Variants in MAN2B2 observed in about 807,000 individuals in gnomAD.
The protein encoded by MAN2B2 is epididymis-specific alpha-mannosidase.
MAN2B2 carries 106 observed loss-of-function variants against 117.1 expected under a neutral mutation model. That is an observed-to-expected ratio of 0.90 (90% CI 0.77 to 1.06). The LOEUF is 1.06. Among genes scored for constraint, MAN2B2 ranks in the 50% least tolerant of loss-of-function variants. The probability of loss-of-function intolerance (pLI) is 0.00; values close to 1 mark genes in which losing one functional copy is unlikely to be tolerated. For missense variants in MAN2B2, 1,326 were observed against 1,381.4 expected (o/e 0.96, Z 0.64); for synonymous variants, 544 against 595.1 (o/e 0.91, Z 1.25).
chr4:6,591,343 C>A (rs933912307), intron 5 of MAN2B2, among the ~76,000 whole-genome samples: 1 of 152,248 alleles, frequency 6.6e-6, no homozygotes, highest in East Asian at 1.9e-4. Context: ...GCACAGGTGA[C>A]GTCCATAGCA....
chr4:6,596,280 A>G (rs1727083245), intron 7 of MAN2B2, among the ~76,000 whole-genome samples: 1 of 151,920 alleles, frequency 6.6e-6, no homozygotes, highest in Admixed American at 6.6e-5. Context: ...ATCGGGCCTC[A>G]CCACCCACTC....
In MAN2B2 at chr4:6,593,195, G is replaced by C. The variant is rs765716293; in HGVS notation, c.703G>C (p.Val235Leu). 6.2e-7 allele frequency: 1 copy of C among 1,613,652 alleles called. No homozygotes were observed. The highest frequency in any genetic ancestry group is 1.7e-5 in the Admixed American group (1 of 59,958). Residue 235 changes from valine to leucine, a missense_variant, in exon 6 of 19, where the codon GTG (valine) becomes CTG (leucine). By Grantham distance (32) the Val-to-Leu change is conservative. Coordinates refer to ENST00000285599, the MANE Select transcript of MAN2B2 (RefSeq NM_015274.3). ...CAGGTCAGGATTTTACTGGAATGGC[G>C]TGGCTGTCTTCCCCAAGCCTCCCCA... ...SNRSGFYWNG[V>L]AVFPKPPQDG... is the part of the protein sequence containing the mutation.
At chr4:6,604,400 A>G (rs1202371184) in intron 10 of MAN2B2, among the ~76,000 whole-genome samples, 1 of 136,264 alleles carries the variant, frequency 7.3e-6, no homozygotes, top group African/African-American at 2.7e-5. Flanking sequence ...CAGGGAAGGG[A>G]GATGAAAGGC....
intron 15 of MAN2B2, 108 bp from the exon 16 acceptor site, chr4:6,614,110 T>C (rs2108757899): frequency 2.1e-6 from 3 of 1,396,096 alleles, no homozygotes; most frequent in East Asian, 2.4e-5. Context: ...CAAGGATGCA[T>C]GGGAAGTGGC....
chr4:6,585,791 C>T (rs939881786), intron 3 of MAN2B2, among the ~76,000 whole-genome samples: 9 of 152,138 alleles, frequency 5.9e-5, no homozygotes, highest in South Asian at 4.1e-4. Context: ...CTGGCTCTCG[C>T]GGCTGTGAGA....
chr4:6,575,523 CCTGCCT>C (rs1726023996), intron 1 of MAN2B2, among the ~76,000 whole-genome samples, 175 bp downstream of exon 1: 1 of 152,258 alleles, frequency 6.6e-6, no homozygotes, highest in Non-Finnish European at 1.5e-5. Flanking sequence ...CCAGTCACTT[CCTGCCT>C]CTGAACCCCC....
intron 3 of MAN2B2, among the ~76,000 whole-genome samples, chr4:6,582,107 C>T (rs999979962): frequency 1.1e-4 from 17 of 152,152 alleles, no homozygotes; most frequent in South Asian, 8.3e-4. Flanking sequence ...GCTCCCGCCT[C>T]AGAGGTGCTG....
intron 12 of MAN2B2, 77 bp from the exon 13 acceptor site, chr4:6,609,720 CA>C: frequency 6.8e-7 from 1 of 1,465,044 alleles, no homozygotes; most frequent in Non-Finnish European, 9.4e-7. Context: ...ACCCTGCCCA[CA>C]TGAAGGAAGG....
chr4:6,579,087 TCACCATCACCAGCAC>T (rs1560634309), intron 3 of MAN2B2, among the ~76,000 whole-genome samples: 14 of 29,494 alleles, frequency 4.7e-4, no homozygotes, highest in South Asian at 3.1e-3. Flanking sequence ...ACCACCACCA[TCACCATCACCAGCAC>T]CACCACCATC....
chr4:6,575,286 C>CA lies in MAN2B2; in HGVS notation c.76_77insA (p.Pro26HisfsTer91). On this transcript the variant is annotated frameshift_variant, in exon 1 of 19. Coordinates refer to ENST00000285599, the MANE Select transcript of MAN2B2 (RefSeq NM_015274.3). LOFTEE classifies it high-confidence loss of function. Reference sequence around the variant, plus strand: ...ACCGCCAGGGGTCCAGTCCGCCGGCCCCATCCGGGCCTTCGTGGTGCCCCA... The same window carrying CA: ...ACCGCCAGGGGTCCAGTCCGCCGGCCACCATCCGGGCCTTCGTGGTGCCCCA... The CA allele has an allele frequency of 6.4e-7, 1 of 1,566,238 alleles. No homozygotes were observed. Among genetic ancestry groups the CA allele is most frequent in the Non-Finnish European group, 8.6e-7 (1 of 1,161,714 alleles).
At chr4:6,591,232 T>G (rs1298668304) in intron 5 of MAN2B2, among the ~76,000 whole-genome samples, 1 of 152,126 alleles carries the variant, frequency 6.6e-6, no homozygotes, top group Non-Finnish European at 1.5e-5. Context: ...ATCCTTGTCT[T>G]GCGGAGCTGC....
chr4:6,614,259 G>A lies in MAN2B2; in HGVS notation c.2605G>A (p.Val869Met), dbSNP rs540480695. 2.0e-5 allele frequency: 32 copies of A among 1,614,084 alleles called. No individual in the cohort carries two copies. Among genetic ancestry groups the A allele is most frequent in the Admixed American group, 1.3e-4 (8 of 60,006 alleles). ...CCCAGGACCCCAGCAGCAAGAGGCC[G>A]TGACGCTGCCCCCGAATCTTCACCT... ...KLPGPQQQEA[V>M]TLPPNLHLQI... Residue 869 changes from valine to methionine, a missense_variant, in exon 16 of 19, where the codon GTG (valine) becomes ATG (methionine). Physicochemically the swap from Val to Met is conservative, Grantham distance 21. Coordinates refer to ENST00000285599, the MANE Select transcript of MAN2B2 (RefSeq NM_015274.3).
At chr4:6,579,482 T>C (rs1421768566) in intron 3 of MAN2B2, among the ~76,000 whole-genome samples, 2 of 117,376 alleles carry the variant, frequency 1.7e-5, no homozygotes, top group African/African-American at 3.4e-5. Flanking sequence ...TGACCATCAC[T>C]ACCACTACCA....
intron 9 of MAN2B2, 60 bp downstream of exon 9, chr4:6,598,414 CA>C (rs1263169674): frequency 9.0e-6 from 14 of 1,552,124 alleles, no homozygotes; most frequent in African/African-American, 1.4e-5. Context: ...CTGAGGAGGT[CA>C]GGGGAGGGGC....
At position 6,614,264 on chromosome 4, in the gene MAN2B2, G is replaced by A. The variant is rs751011246; in HGVS notation, c.2610G>A (p.Thr870=). The change falls in exon 16 of 19, where the codon ACG becomes ACA. Residue 870 remains threonine (T), a synonymous_variant. Transcript: ENST00000285599. The stretch of plus-strand genomic sequence containing the variant: ...GACCCCAGCAGCAAGAGGCCGTGAC[G>A]CTGCCCCCGAATCTTCACCTGCAGA... ...LPGPQQQEAV[T]LPPNLHLQIL... 19 of 1,613,972 alleles carry A rather than the reference G, an allele frequency of 1.2e-5. No homozygotes were observed. In the Middle Eastern group the frequency reaches 4.9e-4, roughly 42 times the overall value.
chr4:6,617,575 G>C (rs1436302718), intron 17 of MAN2B2, 83 bp downstream of exon 17: 1 of 1,567,470 alleles, frequency 6.4e-7, no homozygotes, highest in Non-Finnish European at 8.7e-7. Flanking sequence ...TTGGCAAAGA[G>C]ATCCACGAGG....
chr4:6,621,253 C>T lies in MAN2B2; in HGVS notation c.2998C>T (p.Arg1000Trp), dbSNP rs145995792. ...CATCACCGTCCACCCAAAGGAAATC[C>T]GGACGTTCTTTATTCACTTTCAACA... ...PIITVHPKEIRTFFIHFQQQ is the reference protein window; with the variant it reads ...PIITVHPKEIWTFFIHFQQQ Residue 1000 changes from arginine to tryptophan, a missense_variant, in exon 19 of 19, where the codon CGG (arginine) becomes TGG (tryptophan). By Grantham distance (101) the Arg-to-Trp change is moderately radical. Coordinates refer to ENST00000285599, the MANE Select transcript of MAN2B2 (RefSeq NM_015274.3). 187 of 1,614,002 alleles carry T rather than the reference C, an allele frequency of 1.2e-4. 1 individual carries two copies. The highest frequency in any genetic ancestry group is 3.3e-4 in the African/African-American group (25 of 74,908).
chr4:6,589,103 C>G lies in MAN2B2; in HGVS notation c.623C>G (p.Thr208Arg), dbSNP rs567854068. 3.1e-6 allele frequency: 5 copies of G among 1,614,198 alleles called. No homozygotes were observed. The highest frequency in any genetic ancestry group is 4.2e-6 in the Non-Finnish European group (5 of 1,180,028). The change falls in exon 5 of 19, where the codon ACG becomes AGG. Residue 208 changes from threonine (T) to arginine (R), a missense_variant. Coordinates refer to ENST00000285599, the MANE Select transcript of MAN2B2 (RefSeq NM_015274.3). Reference sequence around the variant, plus strand: ...CTCTCAGAGCGGCAGGAAATCTTCACGCACATCATGGACCAGTACAGCTAC... The same window carrying G: ...CTCTCAGAGCGGCAGGAAATCTTCAGGCACATCATGGACCAGTACAGCTAC... ...PSLSERQEIF[T>R]HIMDQYSYCT...
intron 10 of MAN2B2, among the ~76,000 whole-genome samples, chr4:6,602,993 G>T (rs546439149): frequency 6.6e-6 from 1 of 152,252 alleles, no homozygotes; most frequent in African/African-American, 2.4e-5. Context: ...ACTCCTGTTT[G>T]CTGGGCCCCC....
Sources: allele counts gnomAD v4.1 joint callset (sites outside exome capture counted in the v4.1 genomes callset), GRCh38; gene constraint gnomAD v4.1.1; transcripts MANE v1.5; gene names NCBI Gene and HGNC (gene_info 2026-07-23, HGNC 2026-07-21).